The following MXRA5 variants were observed in gnomAD, a reference collection of about 807,000 sequenced individuals.
The protein encoded by MXRA5 is matrix remodeling associated 5, also known as matrix-remodeling-associated protein 5.
Under a neutral mutation model 112.5 loss-of-function variants are expected in MXRA5, and 41 were observed. The observed-to-expected ratio is 0.36, with a 90% CI of 0.28 to 0.47. MXRA5 has a LOEUF of 0.47. MXRA5 is among the 20% of genes least tolerant of loss of function. The pLI is 0.99. For missense variants in MXRA5, 2,150 were observed against 2,251.0 expected (o/e 0.96, Z 0.91); for synonymous variants, 862 against 900.8 (o/e 0.96, Z 0.77).
At chrX:3,325,090 TA>T in intron 4 of MXRA5, 115 bp from the exon 5 acceptor site, 1 of 901,636 alleles carries the variant, frequency 1.1e-6, no homozygotes, top group Middle Eastern at 4.3e-4. Flanking sequence ...TGTAATCCCA[TA>T]AACAAGGAAT....
At chrX:3,331,679 T>C (rs890430577) in intron 2 of MXRA5, among the ~76,000 whole-genome samples, 2 of 112,409 alleles carry the variant, frequency 1.8e-5, no homozygotes, top group African/African-American at 6.5e-5. Flanking sequence ...GTTTGTTTTG[T>C]TTCTTCCTGT....
Position 3,311,381 on chromosome X carries a change from C to T in MXRA5, c.6822G>A (p.Glu2274=). The T allele has an allele frequency of 3.3e-6, 4 of 1,212,093 alleles. No homozygotes were observed. Among genetic ancestry groups the T allele is most frequent in the Non-Finnish European group, 4.5e-6 (4 of 895,621 alleles). ...DCVATGLPNP[E]ISWSLPDGSL... Reference sequence around the variant, plus strand: ...TCCCGTCTGGGAGGCTCCAGGAGATCTCGGGATTGGGAAGCCCGGTGGCCA... The same window carrying T: ...TCCCGTCTGGGAGGCTCCAGGAGATTTCGGGATTGGGAAGCCCGGTGGCCA... Residue 2274 remains glutamate, a synonymous_variant, in exon 7 of 7, where the codon GAG becomes GAA. Transcript: ENST00000217939.
rs746976020 is a variant in MXRA5 at position 3,317,235 on chromosome X, G to C, written c.6446C>G (p.Thr2149Arg). The C allele has an allele frequency of 4.1e-6, 5 of 1,210,081 alleles. No homozygotes were observed. The highest frequency in any genetic ancestry group is 3.5e-5 in the African/African-American group (2 of 57,616). The change falls in exon 6 of 7, where the codon ACG becomes AGG. Residue 2149 changes from threonine to arginine, a missense_variant. Physicochemically the swap from Thr to Arg is moderately conservative, Grantham distance 71 (BLOSUM62 -1). Transcript: ENST00000217939. The stretch of plus-strand genomic sequence containing the variant: ...GTCCGTCCTCCGCGGGGAGGTGCCC[G>C]TGATGCGCGCGTTGGCTGCTGCACG... ...VQRAAANARI[T>R]GTSPRRTDVR...
intron 2 of MXRA5, 21 bp from the exon 3 acceptor site, chrX:3,330,794 T>C: frequency 1.0e-6 from 1 of 970,227 alleles, no homozygotes; most frequent in Non-Finnish European, 1.4e-6. Flanking sequence ...GTAATAATAA[T>C]AATAACAATA....
At chrX:3,327,426 G>A (rs1033370349) in intron 4 of MXRA5, among the ~76,000 whole-genome samples, 10 of 112,319 alleles carry the variant, frequency 8.9e-5, no homozygotes, top group African/African-American at 3.2e-4. Flanking sequence ...CTCAGCGAAT[G>A]AGCGCAGCCT....
intron 6 of MXRA5, among the ~76,000 whole-genome samples, chrX:3,314,732 T>C (rs1360699531): frequency 9.0e-6 from 1 of 110,735 alleles, no homozygotes; most frequent in Non-Finnish European, 1.9e-5. Context: ...TGTAGGGTGT[T>C]GAGCAGCATC....
intron 2 of MXRA5, among the ~76,000 whole-genome samples, chrX:3,338,824 ATGAT>A (rs750968498): frequency 9.0e-6 from 1 of 110,698 alleles, no homozygotes; most frequent in East Asian, 2.9e-4. Flanking sequence ...TGACAGATAG[ATGAT>A]AGATAGATAC....
At chrX:3,331,608 A>G (rs1482049905) in intron 2 of MXRA5, among the ~76,000 whole-genome samples, 1 of 112,433 alleles carries the variant, frequency 8.9e-6, no homozygotes, top group Non-Finnish European at 1.9e-5. Flanking sequence ...CTTATTTCCC[A>G]TGGACAGGCT....
intron 2 of MXRA5, among the ~76,000 whole-genome samples, chrX:3,341,185 A>T (rs1921939884): frequency 1.4e-4 from 2 of 14,196 alleles, no homozygotes; most frequent in Non-Finnish European, 3.9e-4. Flanking sequence ...AATATATATA[A>T]TATATAATTA....
intron 2 of MXRA5, among the ~76,000 whole-genome samples, chrX:3,332,054 C>T (rs1921675619): frequency 8.9e-6 from 1 of 111,919 alleles, no homozygotes; most frequent in South Asian, 3.7e-4. Context: ...CTCATATGTG[C>T]TCAAACCTGG....
chrX:3,324,654 T>C lies in MXRA5; in HGVS notation c.1031A>G (p.Lys344Arg), dbSNP rs1193175159. ...AGGATCCGTTTGGTTCAAGTGAATC[T>C]TGTACACATCCATTGGTTTCTTGAT... is the stretch of plus-strand genomic sequence containing the variant. Reference protein sequence around the residue: ...CDIKKPMDVYKIHLNQTDPPD... With the variant: ...CDIKKPMDVYRIHLNQTDPPD... Residue 344 changes from lysine to arginine, a missense_variant, in exon 5 of 7, where the codon AAG becomes AGG. Physicochemically the swap from Lys to Arg is conservative, Grantham distance 26 (BLOSUM62 2). Transcript: ENST00000217939. The C allele has an allele frequency of 8.3e-7, 1 of 1,209,313 alleles. No individual in the cohort carries two copies. Among genetic ancestry groups the C allele is most frequent in the Non-Finnish European group, 1.1e-6 (1 of 894,566 alleles).
rs375898358 is a variant in MXRA5 at position 3,343,759 on chromosome X, C to G, written c.75G>C (p.Leu25=). The G allele has an allele frequency of 5.8e-6, 7 of 1,209,592 alleles. No homozygotes were observed. In the African/African-American group the frequency reaches 1.2e-4, roughly 21 times the overall value. The stretch of plus-strand genomic sequence containing the variant: ...AGCAGGCACAAGGATGCGGGCAGGC[C>G]AGCGCCACTCGCGGATGGCCCCAAA... ...ILLWGHPRVA[L]ACPHPCACYV... Residue 25 remains leucine, a synonymous_variant, in exon 2 of 7, where the codon CTG becomes CTC. Transcript: ENST00000217939.
In MXRA5 at chrX:3,322,819, TG is replaced by T. The variant is rs778879724; in HGVS notation, c.2865del (p.Thr956HisfsTer38). On this transcript the variant is annotated frameshift_variant, in exon 5 of 7. Coordinates refer to ENST00000217939, the MANE Select transcript of MXRA5 (RefSeq NM_015419.4). LOFTEE classifies it high-confidence loss of function. ...AATGGAGGCTCATACTCACTGGATG[TG>T]GGCTCTGGTGACGATCCAACATCTG... ...SAADVGSSPE[P>X]TSSEYEPPLD... The T allele has an allele frequency of 8.3e-7, 1 of 1,209,889 alleles. No individual in the cohort carries two copies. Among genetic ancestry groups the T allele is most frequent in the African/African-American group, 1.7e-5 (1 of 57,194 alleles).
intron 2 of MXRA5, among the ~76,000 whole-genome samples, chrX:3,332,354 C>T (rs1921684630): frequency 9.0e-6 from 1 of 111,142 alleles, no homozygotes; most frequent in South Asian, 3.8e-4. Context: ...ACGCCATTCT[C>T]CTGCCTCAGC....
At position 3,310,748 on chromosome X, in the gene MXRA5, A is replaced by T. The variant is rs768644170; in HGVS notation, c.7455T>A (p.Val2485=). 13 of 1,203,708 alleles carry T rather than the reference A, an allele frequency of 1.1e-5. No homozygotes were observed. Among genetic ancestry groups the T allele is most frequent in the Non-Finnish European group, 1.3e-5 (12 of 891,931 alleles). ...GGTTTCCATAGTATGGAGCTGGCAG[A>T]ACCACACCCTCGGGAAAAGCCCATA... The part of the protein sequence containing the change: ...RVLWAFPEGV[V]LPAPYYGNRI... The change falls in exon 7 of 7, where the codon GTT becomes GTA. Residue 2485 remains valine, a synonymous_variant. Transcript: ENST00000217939.
intron 6 of MXRA5, among the ~76,000 whole-genome samples, chrX:3,312,590 T>A (rs1205462858): frequency 9.6e-6 from 1 of 104,684 alleles, no homozygotes; most frequent in Non-Finnish European, 1.9e-5. Context: ...AGAACTGAGA[T>A]CTTGTTTGTC....
intron 2 of MXRA5, among the ~76,000 whole-genome samples, chrX:3,332,060 C>G (rs1273081206): frequency 8.9e-6 from 1 of 111,805 alleles, no homozygotes; most frequent in Non-Finnish European, 1.9e-5. Flanking sequence ...TGTGCTCAAA[C>G]CTGGACTACA....
chrX:3,334,690 T>A (rs1399555075), intron 2 of MXRA5, among the ~76,000 whole-genome samples: 9 of 112,258 alleles, frequency 8.0e-5, no homozygotes, highest in Non-Finnish European at 1.3e-4. Flanking sequence ...TTATACATAA[T>A]ATGAATAATG....
Position 3,309,266 on chromosome X carries a change from CT to C in MXRA5, c.*449del, listed in dbSNP as rs1259213246. On this transcript the variant is annotated 3_prime_UTR_variant, in exon 7 of 7. Transcript: ENST00000217939. ...GACAGAGGAAATAACTGAAAGATGA[CT>C]TGTCAATCTGGAACAAAGTCTATCA... The C allele has an allele frequency of 8.6e-6, 1 of 116,231 alleles. No homozygotes were observed. The highest frequency in any genetic ancestry group is 1.8e-5 in the Non-Finnish European group (1 of 56,591). 9.6% of individuals were successfully genotyped at this position (116,231 alleles called of 1,213,427 possible). A position where few individuals can be genotyped will look rare whatever the true frequency, so the allele number is the denominator to read the frequency against.
Sources: gnomAD v4.1 joint callset for allele counts (sites outside exome capture counted in the v4.1 genomes callset) on GRCh38, gnomAD v4.1.1 for gene constraint, MANE v1.5 for transcripts, NCBI Gene and HGNC (gene_info 2026-07-23, HGNC 2026-07-21) for gene names.